EBF2: variants seen among roughly 807,000 people sequenced by gnomAD.
The protein encoded by EBF2 is EBF transcription factor 2.
Under a neutral mutation model 72.8 loss-of-function variants are expected in EBF2, and 21 were observed. That is an observed-to-expected ratio of 0.29 (90% CI 0.20 to 0.42). The LOEUF is 0.42. EBF2 is among the 10% of genes least tolerant of loss of function. The pLI, the probability that EBF2 is intolerant of heterozygous loss-of-function variation, is 1.00. For synonymous variants in EBF2, 299 were observed against 274.2 expected, an observed-to-expected ratio of 1.09 and a Z score of -0.89; for missense variants, 637 against 731.2, an observed-to-expected ratio of 0.87 and a Z score of 1.49.
chr8:25,978,466 G>A (rs540789715), intron 6 of EBF2, among the ~76,000 whole-genome samples: 2 of 152,318 alleles, frequency 1.3e-5, no homozygotes, highest in South Asian at 4.1e-4. Flanking sequence ...TTGGCAGCTG[G>A]CTGGGAGAGC....
At chr8:25,852,492 A>G (rs189904471) in intron 14 of EBF2, among the ~76,000 whole-genome samples, 3 of 152,286 alleles carry the variant, frequency 2.0e-5, no homozygotes, top group Admixed American at 2.0e-4. Context: ...AGGTTTTTAC[A>G]ATGTGAATGA....
chr8:25,886,553 G>A (rs1231172058), intron 10 of EBF2, among the ~76,000 whole-genome samples: 7 of 151,900 alleles, frequency 4.6e-5, no homozygotes, highest in South Asian at 2.1e-4. Flanking sequence ...TGATCTCCCA[G>A]ATCATGCAGA....
At chr8:25,909,869 T>G (rs1318770770) in intron 6 of EBF2, among the ~76,000 whole-genome samples, 1 of 152,222 alleles carries the variant, frequency 6.6e-6, no homozygotes, top group Non-Finnish European at 1.5e-5. Flanking sequence ...GGCCACATGC[T>G]CCCATGAATA....
intron 5 of EBF2, among the ~76,000 whole-genome samples, chr8:26,035,558 A>G (rs1805487050): frequency 6.6e-6 from 1 of 152,164 alleles, no homozygotes; most frequent in Admixed American, 6.5e-5. Flanking sequence ...CACCTCTTTC[A>G]TGGGTGTGTG....
intron 6 of EBF2, among the ~76,000 whole-genome samples, chr8:25,925,650 A>G (rs868851841): frequency 6.6e-6 from 1 of 152,136 alleles, no homozygotes; most frequent in African/African-American, 2.4e-5. Context: ...AGCCAGGAAC[A>G]CAGAATCACT....
intron 7 of EBF2, among the ~76,000 whole-genome samples, chr8:25,899,148 T>G (rs1365911552): frequency 6.6e-6 from 1 of 152,006 alleles, no homozygotes; most frequent in Non-Finnish European, 1.5e-5. Context: ...CAGAAGGTTC[T>G]AACAGCAGAG....
chr8:25,986,275 A>G (rs1175836901), intron 6 of EBF2, among the ~76,000 whole-genome samples: 4 of 152,110 alleles, frequency 2.6e-5, no homozygotes, highest in South Asian at 2.1e-4. Context: ...AAATTCTACC[A>G]TATTCAACTC....
intron 6 of EBF2, among the ~76,000 whole-genome samples, chr8:25,962,520 G>A (rs1220350055): frequency 6.6e-6 from 1 of 150,784 alleles, no homozygotes; most frequent in Non-Finnish European, 1.5e-5. Flanking sequence ...ACACTTTCTT[G>A]GATCCACACA....
intron 6 of EBF2, among the ~76,000 whole-genome samples, chr8:26,009,123 A>G (rs1002129258): frequency 0.1 from 274 of 2,696 alleles, 4 homozygotes; most frequent in African/African-American, 0.25. Flanking sequence ...AAAAAAAAAA[A>G]AAAAAAACCA....
intron 6 of EBF2, among the ~76,000 whole-genome samples, chr8:26,028,978 A>C (rs1805348815): frequency 6.6e-6 from 1 of 152,230 alleles, no homozygotes; most frequent in Non-Finnish European, 1.5e-5. Flanking sequence ...AGAATTCACA[A>C]AAGCATACTG....
At chr8:25,846,001 C>A (rs73223983) in intron 15 of EBF2, among the ~76,000 whole-genome samples, 1 of 152,140 alleles carries the variant, frequency 6.6e-6, no homozygotes, top group Non-Finnish European at 1.5e-5. Context: ...CTAGTCCTCT[C>A]GGGTAAAATT....
At chr8:26,010,629 G>C (rs1804964216) in intron 6 of EBF2, among the ~76,000 whole-genome samples, 2 of 152,132 alleles carry the variant, frequency 1.3e-5, no homozygotes, top group African/African-American at 4.8e-5. Context: ...GCTGCAGCTT[G>C]AGAGCTGCCT....
chr8:25,933,266 T>A (rs1803514190), intron 6 of EBF2, among the ~76,000 whole-genome samples: 1 of 152,210 alleles, frequency 6.6e-6, no homozygotes, highest in Admixed American at 6.5e-5. Context: ...CTCTGAACCA[T>A]CTATCAGCGC....
chr8:25,943,314 A>AAG lies in EBF2; in HGVS notation c.552-34760_552-34759insCT, dbSNP rs764624420. ...AGACATAACCCCTGTCTCTACACAA[A>AAG]AAAAAAAAAAAAAAAAAAAGAAAGA... On this transcript the variant is annotated intron_variant, in intron 6 of 15. Coordinates refer to ENST00000520164, the MANE Select transcript of EBF2 (RefSeq NM_022659.4). Among the ~76,000 whole-genome samples, 618 of 126,600 alleles carry AAG rather than the reference A, an allele frequency of 4.9e-3. 17 individuals are homozygous for AAG. The highest frequency in any genetic ancestry group is 0.035 in the Admixed American group (415 of 11,828). The allele number at this position is 126,600 out of a possible 152,430, so 83.1% of individuals were successfully genotyped here.
chr8:25,978,287 CCG>C (rs5890273), intron 6 of EBF2, among the ~76,000 whole-genome samples: 104,748 of 151,984 alleles, frequency 0.69, 36,335 homozygotes, highest in Middle Eastern at 0.76. Context: ...GGTAACGTGG[CCG>C]CGCCACATGG....
At chr8:26,039,838 C>T (rs1482999975) in intron 5 of EBF2, among the ~76,000 whole-genome samples, 190 bp downstream of exon 5, 3 of 152,180 alleles carry the variant, frequency 2.0e-5, no homozygotes. Flanking sequence ...TTCTGAGTCC[C>T]AATGGTTATG....
chr8:25,881,352 C>T (rs1370892606), intron 10 of EBF2, among the ~76,000 whole-genome samples: 2 of 152,220 alleles, frequency 1.3e-5, no homozygotes, highest in African/African-American at 4.8e-5. Flanking sequence ...ATGTTCTTGT[C>T]TACCCCAGGG....
rs1340721535 is a variant in EBF2 at position 26,045,132 on chromosome 8, C to T, written c.-273G>A. On this transcript the variant is annotated 5_prime_UTR_variant, in exon 1 of 16. Transcript: ENST00000520164. Reference sequence around the variant, plus strand: ...TCCACCCTAGGTCGCTCGCATCCTTCCAGCTGCAGTGCTGCCTCCTGAAAG... The same window carrying T: ...TCCACCCTAGGTCGCTCGCATCCTTTCAGCTGCAGTGCTGCCTCCTGAAAG... 6.4e-6 allele frequency: 2 copies of T among 310,918 alleles called. No individual in the cohort carries two copies. Among genetic ancestry groups the T allele is most frequent in the African/African-American group, 4.1e-5 (2 of 48,202 alleles). 19.3% of individuals were successfully genotyped at this position (310,918 alleles called of 1,614,324 possible).
intron 10 of EBF2, among the ~76,000 whole-genome samples, chr8:25,866,515 T>C (rs1045413667): frequency 7.0e-6 from 1 of 143,756 alleles, no homozygotes; most frequent in Non-Finnish European, 1.5e-5. Flanking sequence ...ATAGGACATA[T>C]ATAATATAAA....
Sources: allele counts gnomAD v4.1 joint callset (sites outside exome capture counted in the v4.1 genomes callset), GRCh38; gene constraint gnomAD v4.1.1; transcripts MANE v1.5; gene names NCBI Gene and HGNC (gene_info 2026-07-23, HGNC 2026-07-21).